Variants in SENP7 observed in about 807,000 individuals in gnomAD.
SENP7 encodes the protein sentrin-specific protease 7.
A neutral mutation model predicts 141.2 loss-of-function variants in SENP7; 64 were observed. That is an observed-to-expected ratio of 0.45 (90% CI 0.37 to 0.56). The LOEUF is 0.56. Among genes scored for constraint, SENP7 ranks in the 20% least tolerant of loss-of-function variants. The pLI is 0.00. For missense variants in SENP7, 1,025 were observed against 1,212.2 expected, an observed-to-expected ratio of 0.85 and a Z score of 2.29; for synonymous variants, 382 against 426.4, an observed-to-expected ratio of 0.90 and a Z score of 1.28.
chr3:101,364,835 T>C lies in SENP7; in HGVS notation c.1475A>G (p.Gln492Arg), dbSNP rs146247094. Residue 492 changes from glutamine to arginine, a missense_variant and splice_region_variant, in exon 10 of 24, where the codon CAG (glutamine) becomes CGG (arginine). Physicochemically the swap from Gln to Arg is conservative, Grantham distance 43. Coordinates refer to ENST00000394095, the MANE Select transcript of SENP7 (RefSeq NM_020654.5). ...TATGAGAAGACAGAAATAAATTACC[T>C]GTACAGATTCACATGTAATCAATGG... ...ELPLITCESV[Q>R]MSSELCPYNP... is the part of the protein sequence containing the mutation. 39 of 1,575,202 alleles carry C rather than the reference T, an allele frequency of 2.5e-5. No individual in the cohort carries two copies. The African/African-American group carries it at 4.8e-4, about 19-fold the overall frequency.
chr3:101,378,117 C>A (rs1372270390), intron 6 of SENP7, among the ~76,000 whole-genome samples: 1 of 150,732 alleles, frequency 6.6e-6, no homozygotes, highest in African/African-American at 2.4e-5. Context: ...GGTCTATTTA[C>A]AGTAGTTGCT....
In SENP7 at chr3:101,398,857, A is replaced by G; in HGVS notation, c.677+4T>C. On this transcript the variant is annotated splice_donor_region_variant and intron_variant, in intron 6 of 23. Transcript: ENST00000394095. ...ATTTTGAGTAAAGTTATCACTAAACATACCTTTCAGATAAATAACAGCTCT... is the reference window on the plus strand; with the variant it reads ...ATTTTGAGTAAAGTTATCACTAAACGTACCTTTCAGATAAATAACAGCTCT... 2.5e-6 allele frequency: 4 copies of G among 1,569,620 alleles called. No individual in the cohort carries two copies. Among genetic ancestry groups the G allele is most frequent in the South Asian group, 1.2e-5 (1 of 84,728 alleles).
chr3:101,394,707 T>TA (rs2060917517), intron 6 of SENP7, among the ~76,000 whole-genome samples: 2 of 152,048 alleles, frequency 1.3e-5, no homozygotes, highest in African/African-American at 4.8e-5. Context: ...CTATTTTAGT[T>TA]TTCTGAGAAA....
At chr3:101,337,863 C>T (rs1331994557) in intron 16 of SENP7, among the ~76,000 whole-genome samples, 1 of 152,024 alleles carries the variant, frequency 6.6e-6, no homozygotes, top group Non-Finnish European at 1.5e-5. Context: ...TTATCAAATT[C>T]CTAACATGTG....
At chr3:101,365,760 T>C (rs62280667) in intron 9 of SENP7, among the ~76,000 whole-genome samples, 37,072 of 152,044 alleles carry the variant, frequency 0.24, 5,775 homozygotes, top group Non-Finnish European at 0.34. Context: ...ATCTGATTTA[T>C]AGTAGTTACA....
intron 5 of SENP7, among the ~76,000 whole-genome samples, chr3:101,402,365 T>C (rs2061170069): frequency 1.3e-5 from 2 of 152,188 alleles, no homozygotes; most frequent in South Asian, 4.1e-4. Flanking sequence ...GGCTCATGCC[T>C]GTAATCCCAG....
rs1456308744 is a variant in SENP7 at position 101,362,714 on chromosome 3, A to T, written c.1477-853T>A. ...TGCCGTGAAGGAATGTAAGTACCTA[A>T]GAACCATCTGTTATCTCAAATTTAT... is the stretch of plus-strand genomic sequence containing the variant. On this transcript the variant is annotated intron_variant, in intron 10 of 23. Coordinates refer to ENST00000394095, the MANE Select transcript of SENP7 (RefSeq NM_020654.5). Among the ~76,000 whole-genome samples, 3 of 152,306 alleles carry T rather than the reference A, an allele frequency of 2.0e-5. No homozygotes were observed. The East Asian group carries it at 5.8e-4, about 29-fold the overall frequency.
At chr3:101,511,961 A>T (rs1434082247) in intron 1 of SENP7, among the ~76,000 whole-genome samples, 1 of 152,100 alleles carries the variant, frequency 6.6e-6, no homozygotes, top group Non-Finnish European at 1.5e-5. Flanking sequence ...CTGGGACTAC[A>T]GGCGCCCGCC....
chr3:101,495,172 G>A (rs1219182751), intron 2 of SENP7, among the ~76,000 whole-genome samples: 1 of 152,116 alleles, frequency 6.6e-6, no homozygotes, highest in Admixed American at 6.6e-5. Flanking sequence ...CTGATCATTA[G>A]AGAAATGCAA....
Position 101,347,873 on chromosome 3 carries a change from T to A in SENP7, c.1836A>T (p.Gln612His), listed in dbSNP as rs2433031. The part of the protein sequence containing the change: ...TQLEHSVLSQ[Q>H]SKSSEFIFLE... ...ATTTAGAAATCATTTTATACTCACA[T>A]TGCTGGCTTAATACAGAGTGTTCTA... Residue 612 changes from glutamine to histidine, a missense_variant and splice_region_variant, in exon 13 of 24, where the codon CAA becomes CAT. By Grantham distance (24) the Gln-to-His change is conservative. This residue lies in a region of SENP7 where 228 missense variants were observed against 228.5 expected (regional missense o/e 1.00). Transcript: ENST00000394095. 518,699 of 1,446,918 alleles carry A rather than the reference T, an allele frequency of 0.36. 95,649 individuals are homozygous for A. Among genetic ancestry groups the A allele is most frequent in the Non-Finnish European group, 0.37 (405,400 of 1,081,806 alleles). 89.6% of individuals were successfully genotyped at this position (1,446,918 alleles called of 1,614,324 possible). A position where few individuals can be genotyped will look rare whatever the true frequency, so the allele number is the denominator to read the frequency against.
intron 5 of SENP7, among the ~76,000 whole-genome samples, chr3:101,409,562 G>A (rs2061397075): frequency 6.6e-6 from 1 of 152,132 alleles, no homozygotes; most frequent in Non-Finnish European, 1.5e-5. Context: ...CACCAAAACA[G>A]CATGGTACTG....
At chr3:101,413,721 T>TAA (rs1270874339) in intron 5 of SENP7, among the ~76,000 whole-genome samples, 4 of 111,954 alleles carry the variant, frequency 3.6e-5, no homozygotes, top group Non-Finnish European at 5.5e-5. Context: ...AAGGCTTCCT[T>TAA]AAAAAAAAAA....
chr3:101,495,029 T>G (rs1159269375), intron 2 of SENP7, among the ~76,000 whole-genome samples: 1 of 152,092 alleles, frequency 6.6e-6, no homozygotes, highest in African/African-American at 2.4e-5. Context: ...TGGCAGTCTA[T>G]CCGTCTGACA....
intron 3 of SENP7, among the ~76,000 whole-genome samples, chr3:101,464,449 C>T (rs1218848379): frequency 6.6e-6 from 1 of 152,124 alleles, no homozygotes; most frequent in Non-Finnish European, 1.5e-5. Flanking sequence ...CACCTGAGCT[C>T]CACCACCTGT....
intron 3 of SENP7, among the ~76,000 whole-genome samples, chr3:101,463,923 C>T (rs2063674750): frequency 6.6e-6 from 1 of 152,150 alleles, no homozygotes; most frequent in African/African-American, 2.4e-5. Flanking sequence ...CTCCCAGGTT[C>T]AAGCACTTCT....
intron 1 of SENP7, among the ~76,000 whole-genome samples, chr3:101,507,361 T>C (rs1004384392): frequency 3.3e-5 from 5 of 152,220 alleles, no homozygotes; most frequent in African/African-American, 1.2e-4. Context: ...CCTTCCATCA[T>C]CAAGCCTAGG....
chr3:101,456,345 C>T (rs1279516103), intron 4 of SENP7, among the ~76,000 whole-genome samples: 1 of 152,080 alleles, frequency 6.6e-6, no homozygotes, highest in African/African-American at 2.4e-5. Context: ...CATCATTTTC[C>T]TTTGTCAGGA....
chr3:101,487,466 TAA>T (rs1386094048), intron 3 of SENP7, among the ~76,000 whole-genome samples: 3 of 152,116 alleles, frequency 2.0e-5, no homozygotes, highest in East Asian at 1.9e-4. Flanking sequence ...TTAATTAAAT[TAA>T]GTTTCATTTG....
chr3:101,366,523 C>T lies in SENP7; in HGVS notation c.1225G>A (p.Val409Ile). 9.3e-6 allele frequency: 15 copies of T among 1,613,820 alleles called. No homozygotes were observed. The highest frequency in any genetic ancestry group is 1.3e-5 in the Non-Finnish European group (15 of 1,179,784). The change falls in exon 9 of 24, where the codon GTT becomes ATT. Residue 409 changes from valine (V) to isoleucine (I), a missense_variant. By Grantham distance (29) the Val-to-Ile change is conservative. Around this residue, in one of 4 missense-constraint regions of SENP7, gnomAD observed 496 missense variants for 503.5 expected, o/e 0.99. Coordinates refer to ENST00000394095, the MANE Select transcript of SENP7 (RefSeq NM_020654.5). ...TTCAACTCATTCTCATCCTTCTCAA[C>T]CAGGGAAGAAATCCCCACAATATCA... Reference protein sequence around the residue: ...SIDIVGISSLVEKDENELNTI... With the variant: ...SIDIVGISSLIEKDENELNTI...
Sources: allele counts gnomAD v4.1 joint callset (sites outside exome capture counted in the v4.1 genomes callset), GRCh38; gene constraint gnomAD v4.1.1; regional missense constraint gnomAD v4.1.1; transcripts MANE v1.5; gene names NCBI Gene and HGNC (gene_info 2026-07-23, HGNC 2026-07-21).